The following HMGB1 variants were observed in gnomAD, a reference collection of about 807,000 sequenced individuals.
HMGB1 encodes high mobility group box 1.
For missense variants in HMGB1, 79 were observed against 253.5 expected (o/e 0.31, Z 4.67); for synonymous variants, 81 against 84.0 (o/e 0.96, Z 0.19).
intron 1 of HMGB1, among the ~76,000 whole-genome samples, chr13:30,515,174 C>G (rs979204206): frequency 2.0e-5 from 3 of 152,198 alleles, no homozygotes; most frequent in African/African-American, 7.2e-5. Context: ...CTGAAAGCAG[C>G]TTTTAGAACC....
chr13:30,593,268 G>C (rs947201501), intron 1 of HMGB1, among the ~76,000 whole-genome samples: 10 of 152,120 alleles, frequency 6.6e-5, no homozygotes, highest in Non-Finnish European at 4.4e-5. Flanking sequence ...TGGCATGTCA[G>C]CCTCTGATTA....
At chr13:30,544,338 T>A (rs1371360363) in intron 1 of HMGB1, among the ~76,000 whole-genome samples, 1 of 152,180 alleles carries the variant, frequency 6.6e-6, no homozygotes, top group African/African-American at 2.4e-5. Flanking sequence ...GCTAATGAGA[T>A]GACTAATGGC....
At chr13:30,555,033 G>GTTGTT (rs1869616642) in intron 1 of HMGB1, among the ~76,000 whole-genome samples, 1 of 72,412 alleles carries the variant, frequency 1.4e-5, no homozygotes, top group Non-Finnish European at 2.4e-5. Flanking sequence ...GTGTCGTTGT[G>GTTGTT]TTTTTTTTTT....
chr13:30,470,672 G>A (rs985713698), upstream of HMGB1, among the ~76,000 whole-genome samples: 2 of 151,506 alleles, frequency 1.3e-5, no homozygotes, highest in Admixed American at 1.3e-4. Flanking sequence ...TTTTTGAGAC[G>A]GAGTCTCACT....
chr13:30,542,815 C>G (rs1166223039), intron 1 of HMGB1: 1 of 164,036 alleles, frequency 6.1e-6, no homozygotes, highest in African/African-American at 2.4e-5. Context: ...GTGGAAGTCT[C>G]CCATTTCTCA....
chr13:30,594,829 G>A (rs532423847), intron 1 of HMGB1, among the ~76,000 whole-genome samples: 12 of 152,206 alleles, frequency 7.9e-5, no homozygotes, highest in East Asian at 1.9e-4. Context: ...TCCCACCAAC[G>A]GCGTGTAAGT....
chr13:30,577,971 C>T (rs1212704840), intron 1 of HMGB1, among the ~76,000 whole-genome samples: 1 of 152,156 alleles, frequency 6.6e-6, no homozygotes, highest in Non-Finnish European at 1.5e-5. Context: ...TCCCCAAGTT[C>T]CACTACAGGA....
intron 1 of HMGB1, among the ~76,000 whole-genome samples, chr13:30,513,726 C>T (rs887061934): frequency 1.1e-4 from 16 of 152,208 alleles, no homozygotes; most frequent in Admixed American, 3.3e-4. Context: ...AATCCACTCT[C>T]ATGATAACCC....
At chr13:30,588,593 A>C (rs1179464686) in intron 1 of HMGB1, among the ~76,000 whole-genome samples, 1 of 152,254 alleles carries the variant, frequency 6.6e-6, no homozygotes, top group Non-Finnish European at 1.5e-5. Flanking sequence ...GAGTCAAAAG[A>C]GTACAATGAA....
chr13:30,461,796 TACCACATCCTA>T, intron 4 of HMGB1: 1 of 670,728 alleles, frequency 1.5e-6, no homozygotes, highest in Non-Finnish European at 2.5e-6. Context: ...TGCAATTATG[TACCACATCCTA>T]ACTCTATTAA....
At chr13:30,525,003 C>T (rs979024766) in intron 1 of HMGB1, among the ~76,000 whole-genome samples, 1 of 152,136 alleles carries the variant, frequency 6.6e-6, no homozygotes, top group African/African-American at 2.4e-5. Context: ...CAGAACAAAT[C>T]GGCATAGTAA....
At chr13:30,495,838 T>C (rs1215194419) in intron 1 of HMGB1, among the ~76,000 whole-genome samples, 2 of 152,220 alleles carry the variant, frequency 1.3e-5, no homozygotes, top group Non-Finnish European at 2.9e-5. Flanking sequence ...CTATCGGTCT[T>C]CTTTTTCCAG....
Position 30,460,254 on chromosome 13 carries a change from T to C in HMGB1, c.*1103A>G, listed in dbSNP as rs1420586812. The C allele has an allele frequency of 4.0e-5, 6 of 151,382 alleles. No individual in the cohort carries two copies. Among genetic ancestry groups the C allele is most frequent in the South Asian group, 2.1e-4 (1 of 4,806 alleles). The allele number at this position is 151,382 out of a possible 1,614,324, so 9.4% of individuals were successfully genotyped here. ...ATAGGAAAATATACCCTATTTTGAA[T>C]GTGGCATCTTTGTTTGAAAAGCTGG... On this transcript the variant is annotated 3_prime_UTR_variant, in exon 5 of 5. Transcript: ENST00000341423.
In HMGB1 at chr13:30,554,567, G is replaced by A. The variant is rs886500033; in HGVS notation, c.-15+62104C>T. Reference sequence around the variant, plus strand: ...ATTTTCTAAGGAAAACTTAGCTCCTGCTTTTGATCATTCACCGAACAAAAT... The same window carrying A: ...ATTTTCTAAGGAAAACTTAGCTCCTACTTTTGATCATTCACCGAACAAAAT... On this transcript the variant is annotated intron_variant, in intron 1 of 4. Transcript: ENST00000405805. The A allele has an allele frequency of 2.6e-5, 20 of 775,232 alleles. No individual in the cohort carries two copies. The African/African-American group carries it at 2.9e-4, about 11-fold the overall frequency. The allele number at this position is 775,232 out of a possible 1,614,324, so 48.0% of individuals were successfully genotyped here. A position where few individuals can be genotyped will look rare whatever the true frequency, so the allele number is the denominator to read the frequency against.
upstream of HMGB1, among the ~76,000 whole-genome samples, chr13:30,470,796 G>T (rs1251552445): frequency 6.6e-6 from 1 of 151,946 alleles, no homozygotes; most frequent in African/African-American, 2.4e-5. Context: ...TCACAGGCGT[G>T]TGCCACCATG....
intron 1 of HMGB1, among the ~76,000 whole-genome samples, chr13:30,560,237 G>A (rs1007654775): frequency 7.2e-5 from 11 of 152,312 alleles, no homozygotes; most frequent in African/African-American, 2.4e-4. Context: ...AAAAAGTAGG[G>A]TCATGTAAGT....
intron 1 of HMGB1, among the ~76,000 whole-genome samples, chr13:30,562,234 T>C (rs562156974): frequency 6.6e-6 from 1 of 150,926 alleles, no homozygotes; most frequent in African/African-American, 2.4e-5. Context: ...GAGGCAGAGG[T>C]TGCAGTGAGC....
chr13:30,599,717 T>C (rs751482266), intron 1 of HMGB1, among the ~76,000 whole-genome samples: 1 of 152,168 alleles, frequency 6.6e-6, no homozygotes, highest in Non-Finnish European at 1.5e-5. Flanking sequence ...CTTATAAAGA[T>C]ACTAGTCATA....
Position 30,498,513 on chromosome 13 carries a change from A to G in HMGB1, c.-14-34819T>C, listed in dbSNP as rs969466169. On this transcript the variant is annotated intron_variant, in intron 1 of 4. Transcript: ENST00000405805. Reference sequence around the variant, plus strand: ...GGCTTGCTTCCTTTGCAAGGTCTACATCACTCACTCTATCCCTTTATGCCC... The same window carrying G: ...GGCTTGCTTCCTTTGCAAGGTCTACGTCACTCACTCTATCCCTTTATGCCC... 4.8e-4 allele frequency among the ~76,000 whole-genome samples: 73 copies of G among 152,152 alleles called. 1 individual carries two copies. The highest frequency in any genetic ancestry group is 4.7e-3 in the Admixed American group (72 of 15,246).
Sources: allele counts gnomAD v4.1 joint callset (sites outside exome capture counted in the v4.1 genomes callset), GRCh38; gene constraint gnomAD v4.1.1; transcripts MANE v1.5; gene names NCBI Gene and HGNC (gene_info 2026-07-23, HGNC 2026-07-21).